The following MBNL1 variants were observed in gnomAD, a reference collection of about 807,000 sequenced individuals.
MBNL1 encodes muscleblind like splicing regulator 1, also known as muscleblind-like protein 1.
MBNL1 carries 8 observed loss-of-function variants against 42.2 expected under a neutral mutation model. That is an observed-to-expected ratio of 0.19 (90% CI 0.11 to 0.34). MBNL1 has a LOEUF of 0.34. Ranked by LOEUF, MBNL1 falls within the 10% of genes least tolerant of loss-of-function variation. The pLI is 1.00. For synonymous variants in MBNL1, 169 were observed against 173.9 expected, an observed-to-expected ratio of 0.97 and a Z score of 0.22; for missense variants, 309 against 495.3, an observed-to-expected ratio of 0.62 and a Z score of 3.57.
intron 2 of MBNL1, among the ~76,000 whole-genome samples, chr3:152,314,376 CTTTTT>C (rs766855642): frequency 7.2e-6 from 1 of 138,752 alleles, no homozygotes. Flanking sequence ...TGCTCCAAGA[CTTTTT>C]TTTTTTTTTT....
chr3:152,433,832 G>C (rs2099042151), intron 4 of MBNL1, among the ~76,000 whole-genome samples: 1 of 151,986 alleles, frequency 6.6e-6, no homozygotes, highest in Non-Finnish European at 1.5e-5. Context: ...TCTGCTGTTG[G>C]TACATGAAAA....
intron 2 of MBNL1, among the ~76,000 whole-genome samples, chr3:152,394,423 G>A (rs901404327): frequency 3.9e-5 from 6 of 152,070 alleles, no homozygotes; most frequent in Admixed American, 3.9e-4. Flanking sequence ...TTGTTTATAC[G>A]GTACATATGC....
intron 2 of MBNL1, among the ~76,000 whole-genome samples, chr3:152,376,266 CTATATT>C (rs2096895359): frequency 6.6e-6 from 1 of 152,058 alleles, no homozygotes; most frequent in African/African-American, 2.4e-5. Context: ...TGAGAAAAGA[CTATATT>C]TTGTTAACTT....
chr3:152,295,311 A>T (rs2058102293), intron 1 of MBNL1, among the ~76,000 whole-genome samples: 1 of 152,196 alleles, frequency 6.6e-6, no homozygotes, highest in Non-Finnish European at 1.5e-5. Flanking sequence ...ACCTGGCAAA[A>T]AGGAAAAATA....
chr3:152,345,048 G>C (rs370235331), intron 2 of MBNL1, among the ~76,000 whole-genome samples: 33 of 151,684 alleles, frequency 2.2e-4, no homozygotes, highest in East Asian at 1.5e-3. Context: ...TACCATTTGG[G>C]CATGAAAACG....
At chr3:152,381,421 A>G (rs1353767612) in intron 2 of MBNL1, among the ~76,000 whole-genome samples, 1 of 152,032 alleles carries the variant, frequency 6.6e-6, no homozygotes, top group Non-Finnish European at 1.5e-5. Context: ...ATAAGTGCAC[A>G]CTATTCTGTA....
At chr3:152,397,930 C>A (rs1246809254) in intron 2 of MBNL1, among the ~76,000 whole-genome samples, 1 of 152,146 alleles carries the variant, frequency 6.6e-6, no homozygotes, top group Non-Finnish European at 1.5e-5. Flanking sequence ...TCTACTCTTT[C>A]AGAGATTATT....
intron 2 of MBNL1, among the ~76,000 whole-genome samples, chr3:152,319,864 ATTCT>A (rs2075309093): frequency 6.6e-6 from 1 of 152,042 alleles, no homozygotes. Flanking sequence ...GAAGAGTTTA[ATTCT>A]TTCTTTGTGC....
At chr3:152,317,369 G>T (rs763114945) in intron 2 of MBNL1, among the ~76,000 whole-genome samples, 56 of 151,946 alleles carry the variant, frequency 3.7e-4, no homozygotes, top group Non-Finnish European at 5.1e-4. Flanking sequence ...ACTCAGGCTG[G>T]AGTGCAGTGG....
At chr3:152,369,932 T>A (rs1441296496) in intron 2 of MBNL1, among the ~76,000 whole-genome samples, 1 of 152,164 alleles carries the variant, frequency 6.6e-6, no homozygotes, top group Non-Finnish European at 1.5e-5. Context: ...TAGTAGTCTA[T>A]CTATTTTGTG....
chr3:152,396,330 C>T (rs914032859), intron 2 of MBNL1: 4 of 169,630 alleles, frequency 2.4e-5, no homozygotes, highest in African/African-American at 9.6e-5. Context: ...ATCCGCCACT[C>T]CACCACCACC....
chr3:152,341,028 A>G, intron 2 of MBNL1: 1 of 1,209,120 alleles, frequency 8.3e-7, no homozygotes, highest in Non-Finnish European at 1.1e-6. Flanking sequence ...TTTAAAATGA[A>G]AAGATGTTTA....
intron 1 of MBNL1, among the ~76,000 whole-genome samples, chr3:152,287,027 G>A (rs2052851423): frequency 6.6e-6 from 1 of 152,060 alleles, no homozygotes; most frequent in South Asian, 2.1e-4. Flanking sequence ...AGACCATCCT[G>A]GCTAACATGG....
intron 9 of MBNL1, among the ~76,000 whole-genome samples, chr3:152,460,252 C>CA (rs35913796): frequency 0.12 from 15,919 of 133,364 alleles, 908 homozygotes; most frequent in Middle Eastern, 0.17. Flanking sequence ...AGACCTGTCT[C>CA]AAAAAAAAAA....
intron 8 of MBNL1, chr3:152,458,046 T>C: frequency 9.3e-7 from 1 of 1,077,514 alleles, no homozygotes; most frequent in Non-Finnish European, 1.4e-6. Context: ...TGCCACAAAA[T>C]GCAGCCTGCA....
At chr3:152,388,290 G>A (rs2097535232) in intron 2 of MBNL1, among the ~76,000 whole-genome samples, 1 of 152,196 alleles carries the variant, frequency 6.6e-6, no homozygotes, top group South Asian at 2.1e-4. Context: ...TAACTATGGT[G>A]AGGAGGATGG....
chr3:152,329,170 G>A (rs929838113), intron 2 of MBNL1, among the ~76,000 whole-genome samples: 2 of 152,006 alleles, frequency 1.3e-5, no homozygotes, highest in African/African-American at 4.8e-5. Flanking sequence ...GAGCTTATTT[G>A]GGAGCTAAAC....
At chr3:152,312,210 AAAG>A (rs1452452553) in intron 2 of MBNL1, among the ~76,000 whole-genome samples, 8 of 151,850 alleles carry the variant, frequency 5.3e-5, no homozygotes, top group Non-Finnish European at 1.2e-4. Flanking sequence ...AAAAAAAAAA[AAAG>A]AGATGTATCT....
chr3:152,432,602 G>C, intron 3 of MBNL1, 115 bp from the exon 4 acceptor site: 2 of 842,702 alleles, frequency 2.4e-6, no homozygotes, highest in Non-Finnish European at 4.0e-6. Flanking sequence ...TTAAAGGGAA[G>C]GAGGGAAGGC....
Sources: allele counts gnomAD v4.1 joint callset (sites outside exome capture counted in the v4.1 genomes callset), GRCh38; gene constraint gnomAD v4.1.1; transcripts MANE v1.5; gene names NCBI Gene and HGNC (gene_info 2026-07-23, HGNC 2026-07-21).